NPTN: variants seen among roughly 807,000 people sequenced by gnomAD.
NPTN encodes neuroplastin.
In NPTN, 5 loss-of-function variants were observed where a neutral mutation model predicts 42.7. That is an observed-to-expected ratio of 0.12 (90% CI 0.06 to 0.25). The LOEUF is 0.25. Among genes scored for constraint, NPTN ranks in the 10% least tolerant of loss-of-function variants. NPTN has a pLI of 1.00. For missense variants in NPTN, 307 were observed against 525.4 expected (o/e 0.58, Z 4.06); for synonymous variants, 180 against 201.9 (o/e 0.89, Z 0.92).
At chr15:73,632,681 T>G (rs1898820500) in intron 1 of NPTN, 1 of 161,132 alleles carries the variant, frequency 6.2e-6, no homozygotes, top group Non-Finnish European at 1.3e-5. Flanking sequence ...GGGGCCTCAG[T>G]AGAATCCTGG....
intron 4 of NPTN, among the ~76,000 whole-genome samples, chr15:73,574,364 A>G (rs1595903651): frequency 6.6e-6 from 1 of 152,210 alleles, no homozygotes; most frequent in African/African-American, 2.4e-5. Flanking sequence ...TGGTCTTCAC[A>G]AGGAGGAAGA....
intron 1 of NPTN, among the ~76,000 whole-genome samples, chr15:73,602,217 C>T (rs574028962): frequency 6.6e-6 from 1 of 152,276 alleles, no homozygotes; most frequent in Non-Finnish European, 1.5e-5. Context: ...TTCTCTCTCC[C>T]TCAACTGACT....
At chr15:73,585,164 A>G (rs1351782154) in intron 4 of NPTN, among the ~76,000 whole-genome samples, 1 of 152,210 alleles carries the variant, frequency 6.6e-6, no homozygotes, top group Non-Finnish European at 1.5e-5. Flanking sequence ...GGTCTGAATT[A>G]CATGCCCTGT....
chr15:73,611,706 T>C (rs1347169649), intron 1 of NPTN, among the ~76,000 whole-genome samples: 5 of 152,194 alleles, frequency 3.3e-5, no homozygotes, highest in South Asian at 2.1e-4. Context: ...ACTCATAGTA[T>C]GCACAACATC....
intron 1 of NPTN, among the ~76,000 whole-genome samples, chr15:73,603,112 C>A (rs1249682094): frequency 2.6e-5 from 4 of 152,206 alleles, no homozygotes; most frequent in African/African-American, 4.8e-5. Flanking sequence ...AAGCAAGTGA[C>A]CTAACCTCTC....
Position 73,591,993 on chromosome 15 carries a change from C to A in NPTN, c.584G>T (p.Arg195Leu). 3 of 1,613,430 alleles carry A rather than the reference C, an allele frequency of 1.9e-6. No homozygotes were observed. Among genetic ancestry groups the A allele is most frequent in the Non-Finnish European group, 2.5e-6 (3 of 1,179,588 alleles). Reference protein sequence around the residue: ...TKNGVELSATRKNASNMEYRI... With the variant: ...TKNGVELSATLKNASNMEYRI... Reference sequence around the variant, plus strand: ...GTACTCCATGTTGCTGGCATTCTTACGAGTGGCACTCAGTTCCACCCCATT... The same window carrying A: ...GTACTCCATGTTGCTGGCATTCTTAAGAGTGGCACTCAGTTCCACCCCATT... The change falls in exon 3 of 9, where the codon CGT becomes CTT. Residue 195 changes from arginine to leucine, a missense_variant. By Grantham distance (102) the Arg-to-Leu change is moderately radical. Coordinates refer to ENST00000345330, the MANE Select transcript of NPTN (RefSeq NM_012428.4).
At chr15:73,628,993 T>C (rs1477633109) in intron 1 of NPTN, among the ~76,000 whole-genome samples, 4 of 152,360 alleles carry the variant, frequency 2.6e-5, no homozygotes, top group South Asian at 4.1e-4. Context: ...AGGGGTTTTA[T>C]TTCCTTTTGT....
At chr15:73,563,206 T>C (rs1246009480) in intron 7 of NPTN, 30 bp downstream of exon 7, 2 of 1,388,376 alleles carry the variant, frequency 1.4e-6, no homozygotes, top group Non-Finnish European at 1.0e-6. Flanking sequence ...AATCAGATAC[T>C]GTTGAATCAA....
At chr15:73,590,115 T>C (rs1328669236) in intron 3 of NPTN, among the ~76,000 whole-genome samples, 22 of 151,894 alleles carry the variant, frequency 1.4e-4, no homozygotes, top group Admixed American at 1.4e-3. Context: ...GCTGAAAATC[T>C]CCCCACACCA....
At chr15:73,604,361 C>A (rs1897201161) in intron 1 of NPTN, among the ~76,000 whole-genome samples, 1 of 152,076 alleles carries the variant, frequency 6.6e-6, no homozygotes, top group South Asian at 2.1e-4. Context: ...GAGGCTGAGG[C>A]AGGAGAATCA....
At chr15:73,592,333 C>A (rs998501372) in intron 2 of NPTN, among the ~76,000 whole-genome samples, 196 bp from the exon 3 acceptor site, 1 of 152,152 alleles carries the variant, frequency 6.6e-6, no homozygotes, top group African/African-American at 2.4e-5. Context: ...TGACCACTAG[C>A]GCAGACAACA....
rs1239308171 is a variant in NPTN at position 73,569,042 on chromosome 15, C to T, written c.1114+1108G>A. On this transcript the variant is annotated intron_variant, in intron 6 of 8. Transcript: ENST00000345330. This position sits in a 1 kb window ranked among gnomAD's most constrained non-coding sequence, Gnocchi z 4.1. ...CTCTGTGGGGCAGGATACAGCACCA[C>T]AGGTGCACAAACACAGGCCCCAGAA... 1.0e-6 allele frequency: 1 copy of T among 985,416 alleles called. No individual in the cohort carries two copies. The highest frequency in any genetic ancestry group is 1.2e-6 in the Non-Finnish European group (1 of 830,040). The allele number at this position is 985,416 out of a possible 1,614,324, so 61.0% of individuals were successfully genotyped here. A position where few individuals can be genotyped will look rare whatever the true frequency, so the allele number is the denominator to read the frequency against.
At chr15:73,624,105 AATCTTAAGCTACC>A (rs1222627149) in intron 1 of NPTN, among the ~76,000 whole-genome samples, 1 of 152,178 alleles carries the variant, frequency 6.6e-6, no homozygotes, top group African/African-American at 2.4e-5. Context: ...TTTTCTCCTA[AATCTTAAGCTACC>A]ATCAACATAG....
rs1898867033 is a variant in NPTN, at chr15:73,633,253, G to A, written c.-38C>T. Reference sequence around the variant, plus strand: ...AAGACCCAACAGCGAATGGGCCGGGGCCAGAGCCGGGGCCGGGGAAGGGAG... The same window carrying A: ...AAGACCCAACAGCGAATGGGCCGGGACCAGAGCCGGGGCCGGGGAAGGGAG... On this transcript the variant is annotated 5_prime_UTR_variant, in exon 1 of 9. Transcript: ENST00000345330. The A allele has an allele frequency of 4.2e-6, 4 of 962,388 alleles. No homozygotes were observed. Among genetic ancestry groups the A allele is most frequent in the Non-Finnish European group, 6.0e-6 (4 of 664,972 alleles). The allele number at this position is 962,388 out of a possible 1,614,324, so 59.6% of individuals were successfully genotyped here. A position where few individuals can be genotyped will look rare whatever the true frequency, so the allele number is the denominator to read the frequency against.
chr15:73,613,107 G>A (rs1464442195), intron 1 of NPTN, among the ~76,000 whole-genome samples: 7 of 152,136 alleles, frequency 4.6e-5, no homozygotes. Context: ...CAATTAGAGT[G>A]GAGATATCCC....
chr15:73,566,589 G>A (rs895251198), intron 6 of NPTN, among the ~76,000 whole-genome samples: 1 of 152,184 alleles, frequency 6.6e-6, no homozygotes, highest in Non-Finnish European at 1.5e-5. Context: ...TTCCTCCAGG[G>A]CCTGGGGAGG....
At position 73,562,191 on chromosome 15, in the gene NPTN, T is replaced by C. The variant is rs576345696; in HGVS notation, c.1137-221A>G. On this transcript the variant is annotated intron_variant, in intron 7 of 8. Coordinates refer to ENST00000345330, the MANE Select transcript of NPTN (RefSeq NM_012428.4). ...GATCAGAAATGTTTCAGATTTTGAA[T>C]TTTTTTAGATTTTGGAATATCTGCA... Among the ~76,000 whole-genome samples, 8 of 152,280 alleles carry C rather than the reference T, an allele frequency of 5.3e-5. No individual in the cohort carries two copies. The South Asian group carries it at 1.7e-3, about 32-fold the overall frequency.
At chr15:73,612,887 GA>G (rs1370597097) in intron 1 of NPTN, among the ~76,000 whole-genome samples, 1 of 152,194 alleles carries the variant, frequency 6.6e-6, no homozygotes, top group African/African-American at 2.4e-5. Flanking sequence ...GTCATAGGAG[GA>G]AATCTCCTAA....
In NPTN at chr15:73,573,663, A is replaced by G; in HGVS notation, c.839T>C (p.Met280Thr). ...GACCCGGGCCTGCCTCCTACTCACC[A>G]TGGGCATCCCGTTCTCCTTCTTGCG... Reference protein sequence around the residue: ...IWRKKENGMPMDIVNTSGRFF... With the variant: ...IWRKKENGMPTDIVNTSGRFF... Residue 280 changes from methionine (M) to threonine (T), a missense_variant and splice_region_variant, in exon 5 of 9, where the codon ATG becomes ACG. Met to Thr is a moderately conservative substitution (Grantham distance 81). This residue lies in a region of NPTN where 264 missense variants were observed against 491.1 expected (regional missense o/e 0.54). Transcript: ENST00000345330. The G allele has an allele frequency of 6.4e-7, 1 of 1,574,740 alleles. No individual in the cohort carries two copies.
Sources: allele counts gnomAD v4.1 joint callset (sites outside exome capture counted in the v4.1 genomes callset), GRCh38; gene constraint gnomAD v4.1.1; regional missense constraint gnomAD v4.1.1; non-coding constraint Gnocchi (gnomAD v3.1); transcripts MANE v1.5; gene names NCBI Gene and HGNC (gene_info 2026-07-23, HGNC 2026-07-21).